The following PARD3 variants were observed in gnomAD, a reference collection of about 807,000 sequenced individuals.
PARD3 encodes the protein par-3 family cell polarity regulator.
A neutral mutation model predicts 155.4 loss-of-function variants in PARD3; 75 were observed. The observed-to-expected ratio is 0.48, with a 90% CI of 0.40 to 0.58. The LOEUF (loss-of-function observed/expected upper bound fraction) is 0.58, where lower values mean the gene tolerates loss of function less well. PARD3 is among the 20% of genes least tolerant of loss of function. PARD3 has a pLI of 0.00. For synonymous variants in PARD3, 576 were observed against 610.5 expected, an observed-to-expected ratio of 0.94 and a Z score of 0.83; for missense variants, 1,642 against 1,721.7, an observed-to-expected ratio of 0.95 and a Z score of 0.82.
chr10:34,438,401 A>G (rs2076294587), intron 5 of PARD3, among the ~76,000 whole-genome samples: 1 of 152,166 alleles, frequency 6.6e-6, no homozygotes, highest in Admixed American at 6.6e-5. Flanking sequence ...TAGTACAACT[A>G]TTTATGAGGT....
intron 2 of PARD3, among the ~76,000 whole-genome samples, chr10:34,587,283 T>C (rs769019197): frequency 1.3e-5 from 2 of 152,164 alleles, no homozygotes; most frequent in Non-Finnish European, 2.9e-5. Context: ...CCAGCACACC[T>C]GGCTAATTTT....
chr10:34,450,046 C>A (rs192753681), intron 5 of PARD3, among the ~76,000 whole-genome samples: 17 of 152,298 alleles, frequency 1.1e-4, no homozygotes, highest in African/African-American at 4.1e-4. Context: ...ACATCTGTGC[C>A]TCTGTAGCAT....
chr10:34,789,205 T>C (rs1323891476), intron 1 of PARD3, among the ~76,000 whole-genome samples: 1 of 152,036 alleles, frequency 6.6e-6, no homozygotes, highest in Non-Finnish European at 1.5e-5. Flanking sequence ...GGCAGGAAAA[T>C]GGCTGGAGCC....
chr10:34,399,714 T>C (rs1303136640), intron 6 of PARD3, among the ~76,000 whole-genome samples: 1 of 152,156 alleles, frequency 6.6e-6, no homozygotes, highest in Non-Finnish European at 1.5e-5. Flanking sequence ...CCGACCCTAT[T>C]CTTCTGTGTA....
At chr10:34,221,227 G>A (rs1294083265) in intron 22 of PARD3, among the ~76,000 whole-genome samples, 3 of 152,212 alleles carry the variant, frequency 2.0e-5, no homozygotes, top group South Asian at 2.1e-4. Context: ...GAGGCCATCC[G>A]GTGATGTGCA....
rs73268970 is a variant in PARD3 at position 34,210,490 on chromosome 10, G to C, written c.3419+59167C>G. 8.5e-3 allele frequency among the ~76,000 whole-genome samples: 1,301 copies of C among 152,190 alleles called. 28 individuals are homozygous for C. The highest frequency in any genetic ancestry group is 0.03 in the African/African-American group (1,231 of 41,522). ...TCTGCACTGGAGCCTGCTGGCCTGT[G>C]GAGTATACGTAACAGCTCAAGGTGT... is the stretch of plus-strand genomic sequence containing the variant. On this transcript the variant is annotated intron_variant, in intron 22 of 24. Transcript: ENST00000374788.
At chr10:34,646,817 C>G (rs1285599631) in intron 2 of PARD3, among the ~76,000 whole-genome samples, 3 of 152,188 alleles carry the variant, frequency 2.0e-5, no homozygotes, top group Non-Finnish European at 2.9e-5. Flanking sequence ...CTGGGACCCA[C>G]AGGTATATGC....
chr10:34,767,300 G>C (rs1262894368), intron 1 of PARD3, among the ~76,000 whole-genome samples: 2 of 152,194 alleles, frequency 1.3e-5, no homozygotes, highest in African/African-American at 4.8e-5. Context: ...TCACGAGATA[G>C]AGAGGGACAG....
intron 22 of PARD3, among the ~76,000 whole-genome samples, chr10:34,261,809 GAAAGAAAGAAAGAAAGAAAC>G (rs1334688384): frequency 9.4e-5 from 8 of 84,880 alleles, no homozygotes; most frequent in Non-Finnish European, 1.9e-4. Flanking sequence ...AAGAAAGAAA[GAAAGAAAGAAAGAAAGAAAC>G]AAACAAACAA....
chr10:34,382,788 G>A lies in PARD3; in HGVS notation c.1151C>T (p.Pro384Leu). Residue 384 changes from proline to leucine, a missense_variant, in exon 9 of 25, where the codon CCT (proline) becomes CTT (leucine). Physicochemically the swap from Pro to Leu is moderately conservative, Grantham distance 98. Transcript: ENST00000374788. ...CCTGTTGTCAATATACTGGCTGTCAGGGCTAAAACGGCTTGAATAGTAATT... is the reference window on the plus strand; with the variant it reads ...CCTGTTGTCAATATACTGGCTGTCAAGGCTAAAACGGCTTGAATAGTAATT... ...KNNYYSSRFS[P>L]DSQYIDNRSV... 6.2e-7 allele frequency: 1 copy of A among 1,614,162 alleles called. No individual in the cohort carries two copies. Among genetic ancestry groups the A allele is most frequent in the Non-Finnish European group, 8.5e-7 (1 of 1,180,028 alleles).
At chr10:34,225,444 C>T (rs549651047) in intron 22 of PARD3, among the ~76,000 whole-genome samples, 1 of 151,980 alleles carries the variant, frequency 6.6e-6, no homozygotes, top group South Asian at 2.1e-4. Context: ...CTCCCGGGTT[C>T]AAGTGATTCC....
At chr10:34,219,112 G>A (rs1952151860) in intron 22 of PARD3, among the ~76,000 whole-genome samples, 1 of 152,054 alleles carries the variant, frequency 6.6e-6, no homozygotes, top group South Asian at 2.1e-4. Flanking sequence ...TTTTCAGCTG[G>A]GCCTGCCCAC....
At chr10:34,116,980 G>A (rs1946709559) in intron 24 of PARD3, among the ~76,000 whole-genome samples, 1 of 152,194 alleles carries the variant, frequency 6.6e-6, no homozygotes, top group African/African-American at 2.4e-5. Flanking sequence ...GAGGATGAAA[G>A]GTTCGGCGGG....
chr10:34,609,250 A>G (rs942138787), intron 2 of PARD3, among the ~76,000 whole-genome samples: 2 of 152,240 alleles, frequency 1.3e-5, no homozygotes, highest in African/African-American at 4.8e-5. Context: ...TTATGAGTCT[A>G]AAATTAATTA....
chr10:34,552,670 C>T (rs965855490), intron 2 of PARD3, among the ~76,000 whole-genome samples: 25 of 151,428 alleles, frequency 1.7e-4, no homozygotes, highest in African/African-American at 6.1e-4. Context: ...GCTGAGGCCT[C>T]ACCATTGCAC....
intron 2 of PARD3, among the ~76,000 whole-genome samples, chr10:34,656,916 A>C (rs2093183330): frequency 6.6e-6 from 1 of 152,220 alleles, no homozygotes; most frequent in Admixed American, 6.5e-5. Flanking sequence ...GCATGCATGC[A>C]TCTTGATGTA....
rs560402426 is a variant in PARD3, at chr10:34,551,650, G to A, written c.223-34491C>T. 8.5e-5 allele frequency among the ~76,000 whole-genome samples: 13 copies of A among 152,330 alleles called. No individual in the cohort carries two copies. In the South Asian group the frequency reaches 1.7e-3, roughly 19 times the overall value. On this transcript the variant is annotated intron_variant, in intron 2 of 24. Transcript: ENST00000374788. ...CAGGGGCAATAACGGGGTGTCGGCA[G>A]AGGCAGAAGGTTTCCCCAGCAATTA...
At chr10:34,329,032 G>A (rs1835335999) in intron 19 of PARD3, among the ~76,000 whole-genome samples, 1 of 152,128 alleles carries the variant, frequency 6.6e-6, no homozygotes, top group African/African-American at 2.4e-5. Flanking sequence ...ATTGTAATTT[G>A]CCTATCCATG....
At chr10:34,392,236 G>A (rs1842929662) in intron 7 of PARD3, among the ~76,000 whole-genome samples, 1 of 152,064 alleles carries the variant, frequency 6.6e-6, no homozygotes, top group African/African-American at 2.4e-5. Flanking sequence ...GCTTCATGAT[G>A]GAATTTATGG....
Sources: gnomAD v4.1 joint callset for allele counts (sites outside exome capture counted in the v4.1 genomes callset) on GRCh38, gnomAD v4.1.1 for gene constraint, MANE v1.5 for transcripts, NCBI Gene and HGNC (gene_info 2026-07-23, HGNC 2026-07-21) for gene names.